Variants in ADK observed in about 807,000 individuals in gnomAD.
The protein encoded by ADK is N6,N6-dimethyladenosine kinase.
A neutral mutation model predicts 44.7 loss-of-function variants in ADK; 24 were observed. The ratio of observed to expected loss-of-function variants is 0.54; its 90% CI spans 0.39 to 0.76. The LOEUF is 0.76. Ranked by LOEUF, ADK falls within the 30% of genes least tolerant of loss-of-function variation. The pLI is 0.00. For missense variants in ADK, 321 were observed against 425.1 expected (o/e 0.76, Z 2.15); for synonymous variants, 128 against 142.6 (o/e 0.90, Z 0.73).
At chr10:74,570,829 A>G (rs1200721101) in intron 7 of ADK, among the ~76,000 whole-genome samples, 1 of 152,112 alleles carries the variant, frequency 6.6e-6, no homozygotes, top group Non-Finnish European at 1.5e-5. Flanking sequence ...ACTATGTTGA[A>G]TAGGAGTGGT....
intron 6 of ADK, among the ~76,000 whole-genome samples, chr10:74,490,999 G>T (rs543395784): frequency 6.6e-6 from 1 of 152,086 alleles, no homozygotes; most frequent in East Asian, 1.9e-4. Flanking sequence ...GGTTTAATGT[G>T]TCTTTTTATT....
chr10:74,397,737 G>A (rs1286407068), intron 5 of ADK, among the ~76,000 whole-genome samples: 1 of 151,890 alleles, frequency 6.6e-6, no homozygotes, highest in Admixed American at 6.6e-5. Context: ...ATGGGATCTG[G>A]CTGTGTTGCC....
At chr10:74,193,425 G>A (rs1215914725) in intron 1 of ADK, among the ~76,000 whole-genome samples, 1 of 151,720 alleles carries the variant, frequency 6.6e-6, no homozygotes, top group Admixed American at 6.6e-5. Flanking sequence ...ACCCCAGTGT[G>A]ATTAGTGTTT....
chr10:74,270,991 C>A (rs1179539855), intron 3 of ADK, among the ~76,000 whole-genome samples: 1 of 152,124 alleles, frequency 6.6e-6, no homozygotes, highest in Non-Finnish European at 1.5e-5. Flanking sequence ...GTAGACAAAA[C>A]TGGAATATTT....
At chr10:74,485,414 A>C (rs1285086509) in intron 6 of ADK, among the ~76,000 whole-genome samples, 1 of 151,826 alleles carries the variant, frequency 6.6e-6, no homozygotes, top group Non-Finnish European at 1.5e-5. Context: ...GTGTGGTATG[A>C]TCTTACCACT....
intron 4 of ADK, among the ~76,000 whole-genome samples, chr10:74,383,765 C>G (rs1843052637): frequency 1.2e-5 from 1 of 85,306 alleles, no homozygotes; most frequent in Non-Finnish European, 3.4e-5. Flanking sequence ...TTAGCAAGAC[C>G]TGTTTGTTTA....
At chr10:74,344,548 GGTTGGCCAA>G (rs1328652948) in intron 4 of ADK, 1 of 242,620 alleles carries the variant, frequency 4.1e-6, no homozygotes, top group African/African-American at 2.3e-5. Context: ...TCTCTATCAT[GGTTGGCCAA>G]GTAGTCCTGC....
chr10:74,313,378 A>G lies in ADK; in HGVS notation c.195-1289A>G, dbSNP rs75615399. Among the ~76,000 whole-genome samples, 938 of 152,106 alleles carry G rather than the reference A, an allele frequency of 6.2e-3. 12 individuals are homozygous for G. Among genetic ancestry groups the G allele is most frequent in the African/African-American group, 0.022 (902 of 41,508 alleles). ...TCCTTAGTAATTTTTTCCACATAGGAAAAAGGATTATTAAATATTACTTTG... is the reference window on the plus strand; with the variant it reads ...TCCTTAGTAATTTTTTCCACATAGGGAAAAGGATTATTAAATATTACTTTG... On this transcript the variant is annotated intron_variant, in intron 3 of 10. Transcript: ENST00000539909.
intron 1 of ADK, among the ~76,000 whole-genome samples, chr10:74,189,005 T>G (rs1325842094): frequency 6.6e-6 from 1 of 152,168 alleles, no homozygotes; most frequent in Non-Finnish European, 1.5e-5. Context: ...ACTCCTGACC[T>G]CGTGATCCGC....
At chr10:74,522,787 T>A (rs1848889088) in intron 6 of ADK, among the ~76,000 whole-genome samples, 1 of 152,096 alleles carries the variant, frequency 6.6e-6, no homozygotes, top group African/African-American at 2.4e-5. Context: ...TATAAGCCAG[T>A]TCTTCTCCCC....
intron 7 of ADK, among the ~76,000 whole-genome samples, chr10:74,548,510 C>G (rs1204331969): frequency 6.6e-6 from 1 of 152,144 alleles, no homozygotes; most frequent in South Asian, 2.1e-4. Flanking sequence ...CATACTTATA[C>G]TAAAAAATTA....
At chr10:74,284,945 A>C (rs1847101281) in intron 3 of ADK, among the ~76,000 whole-genome samples, 1 of 152,210 alleles carries the variant, frequency 6.6e-6, no homozygotes, top group African/African-American at 2.4e-5. Context: ...GGAGTTAGTA[A>C]AGTGAATATT....
chr10:74,613,174 A>G (rs890299035), intron 9 of ADK, among the ~76,000 whole-genome samples: 1 of 152,090 alleles, frequency 6.6e-6, no homozygotes, highest in Non-Finnish European at 1.5e-5. Flanking sequence ...GTATTAGAAA[A>G]TACAACTTCA....
At chr10:74,357,981 CTT>C (rs1471626214) in intron 4 of ADK, among the ~76,000 whole-genome samples, 1 of 152,074 alleles carries the variant, frequency 6.6e-6, no homozygotes, top group African/African-American at 2.4e-5. Flanking sequence ...GAAATATTCA[CTT>C]AAAAACTCCA....
intron 4 of ADK, among the ~76,000 whole-genome samples, chr10:74,343,971 T>G (rs1304268375): frequency 6.6e-6 from 1 of 152,240 alleles, no homozygotes; most frequent in African/African-American, 2.4e-5. Flanking sequence ...TCTATTGATA[T>G]GATGCATTGA....
chr10:74,589,172 A>T, intron 7 of ADK, 110 bp from the exon 8 acceptor site: 1 of 892,512 alleles, frequency 1.1e-6, no homozygotes, highest in Non-Finnish European at 1.8e-6. Context: ...CTATGTGGGT[A>T]TATTGAGATA....
At position 74,572,562 on chromosome 10, in the gene ADK, T is replaced by G. The variant is rs568656714; in HGVS notation, c.727-16720T>G. ...CTGAATGTTGGCTGCCTTGCTAGAT[T>G]GGGGAAGTTCTCCTGGATAATATCC... On this transcript the variant is annotated intron_variant, in intron 7 of 10. Coordinates refer to ENST00000539909, the MANE Select transcript of ADK (RefSeq NM_006721.4). Among the ~76,000 whole-genome samples, 34 of 152,344 alleles carry G rather than the reference T, an allele frequency of 2.2e-4. 2 individuals are homozygous for G. The highest frequency in any genetic ancestry group is 7.9e-4 in the African/African-American group (33 of 41,596).
At chr10:74,444,824 A>G (rs545490294) in intron 6 of ADK, among the ~76,000 whole-genome samples, 25 of 151,914 alleles carry the variant, frequency 1.6e-4, no homozygotes, top group African/African-American at 6.0e-4. Context: ...TTTTCCCATA[A>G]TGGTTCATTT....
chr10:74,351,250 G>A (rs565607063), intron 4 of ADK, among the ~76,000 whole-genome samples: 1 of 150,946 alleles, frequency 6.6e-6, no homozygotes, highest in African/African-American at 2.4e-5. Context: ...GGCTTGACAT[G>A]TAAGGCTGGT....
Sources: gnomAD v4.1 joint callset for allele counts (sites outside exome capture counted in the v4.1 genomes callset) on GRCh38, gnomAD v4.1.1 for gene constraint, MANE v1.5 for transcripts, NCBI Gene and HGNC (gene_info 2026-07-23, HGNC 2026-07-21) for gene names.